GABRG3: variants seen among roughly 807,000 people sequenced by gnomAD.
GABRG3 encodes gamma-aminobutyric acid receptor subunit gamma-3.
A neutral mutation model predicts 48.8 loss-of-function variants in GABRG3; 25 were observed. That is an observed-to-expected ratio of 0.51 (90% CI 0.37 to 0.72). The LOEUF (loss-of-function observed/expected upper bound fraction) is 0.72, where lower values mean the gene tolerates loss of function less well. GABRG3 is among the 30% of genes least tolerant of loss of function. The pLI is 0.00. For missense variants in GABRG3, 394 were observed against 577.9 expected (o/e 0.68, Z 3.26); for synonymous variants, 227 against 217.6 (o/e 1.04, Z -0.38).
intron 2 of GABRG3, among the ~76,000 whole-genome samples, chr15:27,004,582 G>A (rs1895545866): frequency 6.6e-6 from 1 of 152,218 alleles, no homozygotes; most frequent in Non-Finnish European, 1.5e-5. Context: ...GGCATTTTGG[G>A]AGGCCAAGGC....
At chr15:27,185,915 T>TG (rs1438204379) in intron 3 of GABRG3, among the ~76,000 whole-genome samples, 1 of 152,124 alleles carries the variant, frequency 6.6e-6, no homozygotes, top group Non-Finnish European at 1.5e-5. Flanking sequence ...ACTTACACTG[T>TG]GAAGATTCTA....
intron 3 of GABRG3, among the ~76,000 whole-genome samples, chr15:27,276,818 T>C (rs137880141): frequency 1.3e-5 from 2 of 152,304 alleles, no homozygotes; most frequent in African/African-American, 4.8e-5. Context: ...CAAATTTGGA[T>C]TGTGAGACAC....
intron 3 of GABRG3, among the ~76,000 whole-genome samples, chr15:27,261,414 T>TC (rs1890762309): frequency 6.6e-6 from 1 of 151,590 alleles, no homozygotes; most frequent in South Asian, 2.1e-4. Context: ...CTCTCCCCAG[T>TC]CCCCCCAGTG....
At chr15:27,141,677 T>C (rs1898105752) in intron 3 of GABRG3, among the ~76,000 whole-genome samples, 2 of 152,204 alleles carry the variant, frequency 1.3e-5, no homozygotes, top group Admixed American at 1.3e-4. Flanking sequence ...AAACTTCTTA[T>C]TTACCATAAA....
At chr15:27,093,392 A>G (rs966882377) in intron 3 of GABRG3, among the ~76,000 whole-genome samples, 4 of 152,142 alleles carry the variant, frequency 2.6e-5, no homozygotes, top group Non-Finnish European at 5.9e-5. Context: ...CGTATGAAGC[A>G]CTGAACAGTC....
At chr15:27,338,655 T>G (rs1048334272) in intron 5 of GABRG3, among the ~76,000 whole-genome samples, 1 of 152,158 alleles carries the variant, frequency 6.6e-6, no homozygotes, top group Non-Finnish European at 1.5e-5. Context: ...GTGCGTTTCA[T>G]GGTCAGCTTT....
chr15:27,249,521 G>A lies in GABRG3; in HGVS notation c.271-77288G>A, dbSNP rs370029302. 1.2e-4 allele frequency among the ~76,000 whole-genome samples: 19 copies of A among 152,254 alleles called. No individual in the cohort carries two copies. In the South Asian group the frequency reaches 2.9e-3, roughly 23 times the overall value. On this transcript the variant is annotated intron_variant, in intron 3 of 9. Transcript: ENST00000615808. ...CGCAGCCAGATGGGCAGCTGCCCCC[G>A]GTTACGACATCTGCTTCATAAGGTT...
intron 5 of GABRG3, among the ~76,000 whole-genome samples, chr15:27,338,193 C>T (rs1399238620): frequency 2.0e-5 from 3 of 152,060 alleles, no homozygotes; most frequent in Non-Finnish European, 4.4e-5. Flanking sequence ...AAGCCCTGTC[C>T]GCCTCAGGAA....
intron 2 of GABRG3, among the ~76,000 whole-genome samples, chr15:27,009,397 C>T (rs1001380099): frequency 6.6e-6 from 1 of 151,992 alleles, no homozygotes; most frequent in African/African-American, 2.4e-5. Context: ...GGACACATGA[C>T]GATTGAAAAA....
At chr15:27,059,092 G>T (rs1896602618) in intron 3 of GABRG3, among the ~76,000 whole-genome samples, 1 of 152,234 alleles carries the variant, frequency 6.6e-6, no homozygotes, top group Admixed American at 6.5e-5. Context: ...TCTGAAGTGA[G>T]CATTTCAGGC....
At chr15:27,498,065 G>A (rs924116715) in intron 6 of GABRG3, among the ~76,000 whole-genome samples, 1 of 152,010 alleles carries the variant, frequency 6.6e-6, no homozygotes, top group African/African-American at 2.4e-5. Context: ...TAAACTCAGG[G>A]AAGTCACTTT....
At chr15:27,514,457 GTCTC>G (rs1213751995) in intron 6 of GABRG3, among the ~76,000 whole-genome samples, 1 of 152,202 alleles carries the variant, frequency 6.6e-6, no homozygotes, top group Non-Finnish European at 1.5e-5. Flanking sequence ...CCAGAGGACA[GTCTC>G]TCTCTTCATG....
intron 5 of GABRG3, among the ~76,000 whole-genome samples, chr15:27,436,467 C>G (rs1177507771): frequency 6.6e-6 from 1 of 152,172 alleles, no homozygotes; most frequent in Non-Finnish European, 1.5e-5. Flanking sequence ...ACTGCACATT[C>G]ACTTTTGGCT....
intron 2 of GABRG3, among the ~76,000 whole-genome samples, chr15:26,988,867 A>G (rs1895197806): frequency 6.6e-6 from 1 of 152,144 alleles, no homozygotes; most frequent in South Asian, 2.1e-4. Context: ...CCCTTTCAGC[A>G]TGGCTGAAAA....
Position 27,527,494 on chromosome 15 carries a change from C to T in GABRG3, c.927C>T (p.Arg309=), listed in dbSNP as rs775592973. The change falls in exon 8 of 10, where the codon CGC becomes CGT. Residue 309 remains arginine (R), a synonymous_variant. Transcript: ENST00000615808. ...CCATCGCCAGGAAGTCCTTGCCACG[C>T]GTGTCCTACGTGACCGCCATGGACC... ...LSTIARKSLP[R]VSYVTAMDLF... The T allele has an allele frequency of 6.2e-7, 1 of 1,614,000 alleles. No individual in the cohort carries two copies. Among genetic ancestry groups the T allele is most frequent in the East Asian group, 2.2e-5 (1 of 44,868 alleles).
chr15:27,390,533 C>T (rs1896188543), intron 5 of GABRG3, among the ~76,000 whole-genome samples: 1 of 149,360 alleles, frequency 6.7e-6, no homozygotes, highest in African/African-American at 2.6e-5. Context: ...AAACAGGGCT[C>T]ATGGACCATG....
intron 3 of GABRG3, among the ~76,000 whole-genome samples, chr15:27,309,556 CA>C (rs1319617193): frequency 6.6e-6 from 1 of 151,916 alleles, no homozygotes; most frequent in East Asian, 1.9e-4. Flanking sequence ...GACAAATAGG[CA>C]CATTAAAAGA....
At chr15:27,307,345 A>G (rs1007696359) in intron 3 of GABRG3, among the ~76,000 whole-genome samples, 1 of 131,248 alleles carries the variant, frequency 7.6e-6, no homozygotes, top group African/African-American at 3.2e-5. Flanking sequence ...CCATAGGTTT[A>G]TATATGTTTA....
chr15:27,360,886 G>A (rs928961499), intron 5 of GABRG3, among the ~76,000 whole-genome samples: 1 of 152,228 alleles, frequency 6.6e-6, no homozygotes, highest in African/African-American at 2.4e-5. Context: ...CCATGAGTGG[G>A]GGACTTGAGT....
Sources: allele counts gnomAD v4.1 joint callset (sites outside exome capture counted in the v4.1 genomes callset), GRCh38; gene constraint gnomAD v4.1.1; transcripts MANE v1.5; gene names NCBI Gene and HGNC (gene_info 2026-07-23, HGNC 2026-07-21).